The following TENM2 variants were observed in gnomAD, a reference collection of about 807,000 sequenced individuals.
TENM2 encodes the protein teneurin-2.
In TENM2, 52 loss-of-function variants were observed where a neutral mutation model predicts 245.2. The observed-to-expected ratio is 0.21, with a 90% CI of 0.17 to 0.27. TENM2 has a LOEUF of 0.27. Among genes scored for constraint, TENM2 ranks in the 10% least tolerant of loss-of-function variants. The pLI, the probability that TENM2 is intolerant of heterozygous loss-of-function variation, is 1.00. For synonymous variants in TENM2, 1,363 were observed against 1,438.9 expected (o/e 0.95, Z 1.19); for missense variants, 3,046 against 3,666.8 (o/e 0.83, Z 4.37).
intron 2 of TENM2, among the ~76,000 whole-genome samples, chr5:167,717,613 C>T (rs1298230867): frequency 6.6e-6 from 1 of 151,918 alleles, no homozygotes; most frequent in African/African-American, 2.4e-5. Context: ...TTTTTTTTGG[C>T]TTCTTGAGTA....
the TENM2 span, among the ~76,000 whole-genome samples, chr5:167,141,109 C>T: frequency 2.0e-5 from 3 of 152,268 alleles, no homozygotes; most frequent in African/African-American, 7.2e-5. Context: ...GAACTTGTAT[C>T]AACCAGATTT....
chr5:166,984,232 G>C, the TENM2 span, among the ~76,000 whole-genome samples: 5 of 151,970 alleles, frequency 3.3e-5, no homozygotes, highest in Non-Finnish European at 7.4e-5. Flanking sequence ...GTTTATTTAG[G>C]TTTTGCAATT....
intron 2 of TENM2, among the ~76,000 whole-genome samples, chr5:167,673,730 C>T (rs898890074): frequency 2.0e-5 from 3 of 151,840 alleles, no homozygotes; most frequent in African/African-American, 7.3e-5. Context: ...TAAATTTGAA[C>T]CCTAGGGACA....
intron 2 of TENM2, among the ~76,000 whole-genome samples, chr5:167,859,110 C>T (rs1583204979): frequency 7.4e-6 from 1 of 136,030 alleles, no homozygotes; most frequent in Non-Finnish European, 1.6e-5. Flanking sequence ...TGGGGAGCGC[C>T]TCTGCCCCGC....
At chr5:167,679,317 CA>C (rs1315462245) in intron 2 of TENM2, among the ~76,000 whole-genome samples, 2 of 152,044 alleles carry the variant, frequency 1.3e-5, no homozygotes, top group African/African-American at 4.8e-5. Flanking sequence ...TGGTAAAATT[CA>C]AATGATAAAA....
intron 2 of TENM2, among the ~76,000 whole-genome samples, chr5:167,467,516 G>GA (rs10585036): frequency 0.39 from 56,346 of 145,210 alleles, 11,718 homozygotes; most frequent in Middle Eastern, 0.49. Flanking sequence ...TCTTGTTTGA[G>GA]AAAAAAAAAA....
At chr5:168,259,647 T>A (rs1323939952) in intron 27 of TENM2, among the ~76,000 whole-genome samples, 2 of 152,128 alleles carry the variant, frequency 1.3e-5, no homozygotes, top group Non-Finnish European at 2.9e-5. Flanking sequence ...GACTCTGCTT[T>A]CCATCTGTGT....
intron 12 of TENM2, among the ~76,000 whole-genome samples, chr5:168,146,511 C>A (rs74548070): frequency 0.042 from 6,381 of 152,220 alleles, 352 homozygotes; most frequent in East Asian, 0.32. Context: ...CATCTTATAC[C>A]AAATCAGTTT....
At chr5:167,465,313 T>G (rs766840437) in intron 2 of TENM2, among the ~76,000 whole-genome samples, 1 of 152,192 alleles carries the variant, frequency 6.6e-6, no homozygotes, top group African/African-American at 2.4e-5. Flanking sequence ...TATCTTATTT[T>G]GTTTTGTTAA....
At chr5:167,208,239 A>T in the TENM2 span, among the ~76,000 whole-genome samples, 2 of 152,204 alleles carry the variant, frequency 1.3e-5, no homozygotes, top group African/African-American at 2.4e-5. Flanking sequence ...CAGGCATTTC[A>T]TGTTGTCTCT....
chr5:167,132,469 A>C, the TENM2 span, among the ~76,000 whole-genome samples: 4 of 152,100 alleles, frequency 2.6e-5, no homozygotes, highest in South Asian at 4.2e-4. Flanking sequence ...TTCCTTTTAA[A>C]TTTGCCAAGC....
At chr5:168,021,237 G>A (rs1372701907) in intron 5 of TENM2, among the ~76,000 whole-genome samples, 2 of 152,192 alleles carry the variant, frequency 1.3e-5, no homozygotes, top group Non-Finnish European at 2.9e-5. Context: ...ATATTAAAAA[G>A]CACTTCTTAG....
chr5:167,472,772 A>T (rs1333418344), intron 2 of TENM2, among the ~76,000 whole-genome samples: 1 of 152,238 alleles, frequency 6.6e-6, no homozygotes, highest in Admixed American at 6.5e-5. Context: ...AAACTGAAAG[A>T]TAAATGCTAC....
At chr5:167,914,939 T>G (rs1445489434) in intron 3 of TENM2, among the ~76,000 whole-genome samples, 1 of 152,168 alleles carries the variant, frequency 6.6e-6, no homozygotes, top group Non-Finnish European at 1.5e-5. Flanking sequence ...CTTCACTAGT[T>G]ACATCTGCAA....
In TENM2 at chr5:168,020,013, G is replaced by A. The variant is rs575348063; in HGVS notation, c.1186+26831G>A. ...CAGGGAATGGATTTCTACCTATATG[G>A]CAATTATATACCATGTTCTCTGAGG... On this transcript the variant is annotated intron_variant, in intron 5 of 28. Transcript: ENST00000518659. 1.6e-4 allele frequency among the ~76,000 whole-genome samples: 25 copies of A among 152,258 alleles called. No homozygotes were observed. The South Asian group carries it at 5.0e-3, about 30-fold the overall frequency.
intron 12 of TENM2, among the ~76,000 whole-genome samples, chr5:168,144,938 G>GTA (rs1562212739): frequency 7.9e-5 from 12 of 151,146 alleles, no homozygotes; most frequent in African/African-American, 2.9e-4. Flanking sequence ...CAGTGATGAC[G>GTA]AGCATTTTTT....
At chr5:167,124,174 G>C in the TENM2 span, among the ~76,000 whole-genome samples, 8 of 152,096 alleles carry the variant, frequency 5.3e-5, no homozygotes, top group Non-Finnish European at 7.4e-5. Context: ...ATAAATCAAT[G>C]GGTTAGGTAA....
intron 2 of TENM2, among the ~76,000 whole-genome samples, chr5:167,784,277 G>A (rs1764413096): frequency 6.6e-6 from 1 of 152,190 alleles, no homozygotes; most frequent in Admixed American, 6.5e-5. Flanking sequence ...GTGATGCCCT[G>A]AAGGGGTTTT....
intron 12 of TENM2, among the ~76,000 whole-genome samples, chr5:168,141,390 G>A (rs1031134288): frequency 6.6e-6 from 1 of 152,174 alleles, no homozygotes; most frequent in African/African-American, 2.4e-5. Flanking sequence ...GAAACACCTG[G>A]CCATTTTAAA....
Sources: gnomAD v4.1 joint callset for allele counts (sites outside exome capture counted in the v4.1 genomes callset) on GRCh38, gnomAD v4.1.1 for gene constraint, MANE v1.5 for transcripts, NCBI Gene and HGNC (gene_info 2026-07-23, HGNC 2026-07-21) for gene names.